The following KAT6A variants were observed in gnomAD, a reference collection of about 807,000 sequenced individuals.
KAT6A encodes histone acetyltransferase KAT6A.
KAT6A carries 9 observed loss-of-function variants against 198.4 expected under a neutral mutation model. The observed-to-expected ratio is 0.05, with a 90% CI of 0.03 to 0.08. The LOEUF (loss-of-function observed/expected upper bound fraction) is 0.08. Ranked by LOEUF, KAT6A falls within the 10% of genes least tolerant of loss-of-function variation. The pLI is 1.00. For synonymous variants in KAT6A, 890 were observed against 883.0 expected, an observed-to-expected ratio of 1.01 and a Z score of -0.14; for missense variants, 2,077 against 2,509.9, an observed-to-expected ratio of 0.83 and a Z score of 3.69.
intron 2 of KAT6A, among the ~76,000 whole-genome samples, chr8:42,026,154 T>G (rs1427892703): frequency 1.3e-5 from 2 of 152,232 alleles, no homozygotes; most frequent in Non-Finnish European, 2.9e-5. Flanking sequence ...ACCAATACCT[T>G]GCTGAATTGG....
intron 2 of KAT6A, among the ~76,000 whole-genome samples, chr8:42,018,290 C>T (rs935015224): frequency 6.6e-6 from 1 of 152,164 alleles, no homozygotes; most frequent in African/African-American, 2.4e-5. Context: ...AATCCTTGCA[C>T]TTTGGGAGGC....
intron 2 of KAT6A, among the ~76,000 whole-genome samples, chr8:41,993,814 T>C (rs776293424): frequency 6.6e-6 from 1 of 152,228 alleles, no homozygotes; most frequent in African/African-American, 2.4e-5. Context: ...CCAAACTATA[T>C]TGTTAAAAGC....
At position 41,932,879 on chromosome 8, in the gene KAT6A, C is replaced by T; in HGVS notation, c.5341G>A (p.Ala1781Thr). 6.2e-7 allele frequency: 1 copy of T among 1,614,090 alleles called. No individual in the cohort carries two copies. The highest frequency in any genetic ancestry group is 8.5e-7 in the Non-Finnish European group (1 of 1,180,020). ...GTATTGGACAGAGAAACACTGGTTG[C>T]ATAGGAAGTCACAGCAGGAGAATGG... Reference protein sequence around the residue: ...YSHSPAVTSYATSVSLSNTGL... With the variant: ...YSHSPAVTSYTTSVSLSNTGL... Residue 1781 changes from alanine (A) to threonine (T), a missense_variant, in exon 17 of 17, where the codon GCA (alanine) becomes ACA (threonine). Around this residue, in one of 13 missense-constraint regions of KAT6A, gnomAD observed 500 missense variants for 577.2 expected, o/e 0.87. Transcript: ENST00000265713.
At chr8:41,934,890 A>T in intron 16 of KAT6A, 23 bp from the exon 17 acceptor site, 1 of 1,551,100 alleles carries the variant, frequency 6.4e-7, no homozygotes, top group Non-Finnish European at 8.7e-7. Context: ...GAAAAAAAAC[A>T]AAGACAGGTT....
intron 3 of KAT6A, among the ~76,000 whole-genome samples, chr8:41,985,291 T>C (rs1824548794): frequency 6.6e-6 from 1 of 152,230 alleles, no homozygotes; most frequent in Non-Finnish European, 1.5e-5. Context: ...TTCATTCTGG[T>C]TTGTGACAAC....
intron 2 of KAT6A, among the ~76,000 whole-genome samples, chr8:42,031,617 CTTTTTTTT>C (rs11329714): frequency 2.6e-4 from 17 of 65,106 alleles, no homozygotes; most frequent in Admixed American, 6.9e-4. Flanking sequence ...GGAGCATTCA[CTTTTTTTT>C]TTTTTTTTTT....
chr8:41,954,208 A>G (rs892065144), intron 9 of KAT6A, among the ~76,000 whole-genome samples: 1 of 152,226 alleles, frequency 6.6e-6, no homozygotes, highest in African/African-American at 2.4e-5. Context: ...TATTATATGG[A>G]AAGAAAAAGT....
At position 41,932,112 on chromosome 8, in the gene KAT6A, A is replaced by C; in HGVS notation, c.*93T>G. On this transcript the variant is annotated 3_prime_UTR_variant, in exon 17 of 17. Transcript: ENST00000265713. ...TCCTCTAAATCTACAGCAATATTTT[A>C]ACTGGAAAAAGGTCCATTTTTCTCT... The C allele has an allele frequency of 8.6e-7, 1 of 1,168,170 alleles. No individual in the cohort carries two copies. Among genetic ancestry groups the C allele is most frequent in the Non-Finnish European group, 1.1e-6 (1 of 900,206 alleles). The allele number at this position is 1,168,170 out of a possible 1,614,324, so 72.4% of individuals were successfully genotyped here.
At chr8:42,007,107 G>A (rs746505730) in intron 2 of KAT6A, among the ~76,000 whole-genome samples, 2 of 151,390 alleles carry the variant, frequency 1.3e-5, no homozygotes, top group Non-Finnish European at 2.9e-5. Flanking sequence ...CTAAGAACAC[G>A]TCATAAGAAA....
At chr8:41,964,631 A>G (rs1011486887) in intron 8 of KAT6A, among the ~76,000 whole-genome samples, 2 of 60,928 alleles carry the variant, frequency 3.3e-5, no homozygotes, top group African/African-American at 8.2e-5. Flanking sequence ...AAATCTGAAA[A>G]AAAAAAAAAA....
At chr8:42,029,325 A>G (rs931054881) in intron 2 of KAT6A, among the ~76,000 whole-genome samples, 2 of 152,156 alleles carry the variant, frequency 1.3e-5, no homozygotes, top group African/African-American at 4.8e-5. Flanking sequence ...TATCTTTTGT[A>G]AGATTCGAAA....
chr8:42,050,434 T>G (rs1032572665), intron 1 of KAT6A, among the ~76,000 whole-genome samples: 2 of 152,202 alleles, frequency 1.3e-5, no homozygotes, highest in African/African-American at 4.8e-5. Flanking sequence ...CATTACAATA[T>G]AAACAATGCT....
intron 12 of KAT6A, among the ~76,000 whole-genome samples, chr8:41,945,411 C>T (rs903904785): frequency 1.3e-5 from 2 of 151,762 alleles, no homozygotes; most frequent in Admixed American, 1.3e-4. Context: ...GCTGGGATTA[C>T]AGGCGCCCAC....
rs186845400 is a variant in KAT6A at position 42,004,924 on chromosome 8, G to A, written c.601-17361C>T. Reference sequence around the variant, plus strand: ...GCCTGGGCGACAAGAGTGAAACTCCGTCTCTAAAAAAAAAAAAGGCACTAT... The same window carrying A: ...GCCTGGGCGACAAGAGTGAAACTCCATCTCTAAAAAAAAAAAAGGCACTAT... On this transcript the variant is annotated intron_variant, in intron 2 of 16. Coordinates refer to ENST00000265713, the MANE Select transcript of KAT6A (RefSeq NM_006766.5). Among the ~76,000 whole-genome samples, 873 of 150,808 alleles carry A rather than the reference G, an allele frequency of 5.8e-3. 4 individuals carry two copies. The highest frequency in any genetic ancestry group is 0.027 in the South Asian group (129 of 4,784).
chr8:41,939,658 C>T (rs1822009268), intron 15 of KAT6A, among the ~76,000 whole-genome samples: 1 of 152,184 alleles, frequency 6.6e-6, no homozygotes, highest in Non-Finnish European at 1.5e-5. Context: ...CATGAGGGAT[C>T]ATCTACAAAA....
chr8:41,987,396 A>ATT (rs1824668784), intron 3 of KAT6A, 59 bp downstream of exon 3: 3 of 981,464 alleles, frequency 3.1e-6, no homozygotes, highest in Non-Finnish European at 4.9e-6. Flanking sequence ...TCAAGTCAAC[A>ATT]TACTTTCCGC....
Position 41,940,961 on chromosome 8 carries a change from T to C in KAT6A, c.2920A>G (p.Ser974Gly), listed in dbSNP as rs764855969. Residue 974 changes from serine to glycine, a missense_variant, in exon 15 of 17, where the codon AGT becomes GGT. By Grantham distance (56) the Ser-to-Gly change is moderately conservative. Coordinates refer to ENST00000265713, the MANE Select transcript of KAT6A (RefSeq NM_006766.5). ...EGSERLPRRY[S>G]EGDRAVLRGF... ...CTGAGGACAGCCCTGTCACCCTCAC[T>C]GTAGCGACGGGGCAGCCTCTCACTT... The C allele has an allele frequency of 1.7e-5, 28 of 1,614,088 alleles. No individual in the cohort carries two copies. The highest frequency in any genetic ancestry group is 2.3e-5 in the Non-Finnish European group (27 of 1,180,042).
At chr8:41,973,748 T>G (rs1823916833) in intron 8 of KAT6A, among the ~76,000 whole-genome samples, 1 of 152,110 alleles carries the variant, frequency 6.6e-6, no homozygotes, top group South Asian at 2.1e-4. Flanking sequence ...TCTTCAAGTC[T>G]ATTCCACCTT....
intron 5 of KAT6A, among the ~76,000 whole-genome samples, chr8:41,980,581 T>C (rs899498829): frequency 3.3e-5 from 5 of 152,174 alleles, no homozygotes; most frequent in African/African-American, 9.7e-5. Context: ...AGCTAGAGAC[T>C]GGCAAATATG....
Sources: gnomAD v4.1 joint callset for allele counts (sites outside exome capture counted in the v4.1 genomes callset) on GRCh38, gnomAD v4.1.1 for gene constraint, gnomAD v4.1.1 regional missense constraint, MANE v1.5 for transcripts, NCBI Gene and HGNC (gene_info 2026-07-23, HGNC 2026-07-21) for gene names.